SGCD: variants seen among roughly 807,000 people sequenced by gnomAD.
The protein encoded by SGCD is delta-sarcoglycan.
SGCD carries 18 observed loss-of-function variants against 36.6 expected under a neutral mutation model. The observed-to-expected ratio is 0.49, with a 90% CI of 0.34 to 0.73. SGCD has a LOEUF of 0.73. SGCD is among the 30% of genes least tolerant of loss of function. The pLI is 0.01. For missense variants in SGCD, 387 were observed against 346.7 expected (o/e 1.12, Z -0.92); for synonymous variants, 133 against 130.6 (o/e 1.02, Z -0.12).
At chr5:156,298,192 C>T (rs1055732029) in intron 3 of SGCD, among the ~76,000 whole-genome samples, 1 of 152,084 alleles carries the variant, frequency 6.6e-6, no homozygotes, top group Non-Finnish European at 1.5e-5. Context: ...TTGATGTACA[C>T]TTAGGTTGCT....
chr5:155,814,139 T>C, the SGCD span, among the ~76,000 whole-genome samples: 1 of 152,248 alleles, frequency 6.6e-6, no homozygotes, highest in Non-Finnish European at 1.5e-5. Context: ...TTCTAGCCTC[T>C]CTGTTGTTTC....
At chr5:156,198,052 CT>C (rs1176131900) in intron 3 of SGCD, among the ~76,000 whole-genome samples, 1 of 152,058 alleles carries the variant, frequency 6.6e-6, no homozygotes, top group Non-Finnish European at 1.5e-5. Flanking sequence ...ATCTTATTCC[CT>C]TTGTAAATAT....
chr5:155,739,150 A>G, the SGCD span, among the ~76,000 whole-genome samples: 1 of 152,150 alleles, frequency 6.6e-6, no homozygotes, highest in African/African-American at 2.4e-5. Context: ...CTGGAAAGAG[A>G]GGAGACAAGT....
At chr5:156,537,380 G>C (rs1248012921) in intron 4 of SGCD, among the ~76,000 whole-genome samples, 1 of 150,424 alleles carries the variant, frequency 6.6e-6, no homozygotes. Context: ...TGACTTTGTG[G>C]ATAGAGAACA....
At chr5:155,802,330 G>C in the SGCD span, among the ~76,000 whole-genome samples, 3 of 152,152 alleles carry the variant, frequency 2.0e-5, no homozygotes, top group East Asian at 5.8e-4. Flanking sequence ...TGGTTTTTTG[G>C]TTCCTGGCTC....
the SGCD span, among the ~76,000 whole-genome samples, chr5:155,823,669 C>T: frequency 2.0e-5 from 3 of 152,190 alleles, no homozygotes; most frequent in Non-Finnish European, 4.4e-5. Flanking sequence ...TGTAAGGTGT[C>T]CCCAAGAGAG....
intron 3 of SGCD, among the ~76,000 whole-genome samples, chr5:156,252,162 G>T (rs936205822): frequency 6.6e-6 from 1 of 151,704 alleles, no homozygotes; most frequent in African/African-American, 2.4e-5. Context: ...CCGCCTCCCG[G>T]GTTCAAGCCA....
At chr5:156,699,935 T>G (rs1198047537) in intron 7 of SGCD, among the ~76,000 whole-genome samples, 1 of 152,134 alleles carries the variant, frequency 6.6e-6, no homozygotes. Flanking sequence ...TTAAGAGAAG[T>G]AGTAGCTAAG....
the SGCD span, among the ~76,000 whole-genome samples, chr5:155,813,020 A>G: frequency 6.6e-6 from 1 of 151,892 alleles, no homozygotes; most frequent in Non-Finnish European, 1.5e-5. Flanking sequence ...TGTAGAGCTA[A>G]TTATCTGATG....
chr5:156,294,861 A>G (rs1054710879), intron 3 of SGCD, among the ~76,000 whole-genome samples: 1 of 152,130 alleles, frequency 6.6e-6, no homozygotes, highest in African/African-American at 2.4e-5. Flanking sequence ...AATCTTTACA[A>G]TATACTTTTG....
intron 3 of SGCD, among the ~76,000 whole-genome samples, chr5:156,171,815 T>A (rs749743869): frequency 6.6e-6 from 1 of 152,240 alleles, no homozygotes; most frequent in East Asian, 1.9e-4. Flanking sequence ...AGTGGCAATG[T>A]CCCAGGGCAC....
chr5:156,721,776 A>C (rs1474127226), intron 7 of SGCD, among the ~76,000 whole-genome samples: 2 of 152,222 alleles, frequency 1.3e-5, no homozygotes, highest in Non-Finnish European at 2.9e-5. Context: ...GTAGAGCAAC[A>C]GGGTGGGAGA....
chr5:156,307,552 G>GTT lies in SGCD; in HGVS notation c.-43-21981_-43-21980dup. Among the ~76,000 whole-genome samples, 338 of 48,284 alleles carry GTT rather than the reference G, an allele frequency of 7.0e-3. 31 individuals are homozygous for GTT. Among genetic ancestry groups the GTT allele is most frequent in the Middle Eastern group, 0.043 (2 of 46 alleles). 31.7% of individuals were successfully genotyped at this position (48,284 alleles called of 152,430 possible). The stretch of plus-strand genomic sequence containing the variant: ...CTTCTTGTCTGTATACATTTTAACT[G>GTT]TTGTTTTTTTTTTTTTTTTTTTTTT... On this transcript the variant is annotated intron_variant, in intron 3 of 9. Transcript: ENST00000517913.
At chr5:156,078,055 TC>T in intron 1 of SGCD, among the ~76,000 whole-genome samples, 1 of 152,188 alleles carries the variant, frequency 6.6e-6, no homozygotes, top group African/African-American at 2.4e-5. Flanking sequence ...AAGAATCCCT[TC>T]TTTTTGTTAT....
At chr5:156,625,304 A>T (rs1464758844) in intron 6 of SGCD, among the ~76,000 whole-genome samples, 1 of 152,224 alleles carries the variant, frequency 6.6e-6, no homozygotes, top group Non-Finnish European at 1.5e-5. Flanking sequence ...ATTAAACAAA[A>T]TGTCCAGGAT....
the SGCD span, among the ~76,000 whole-genome samples, chr5:155,861,180 G>A: frequency 6.6e-6 from 1 of 152,260 alleles, no homozygotes; most frequent in South Asian, 2.1e-4. Flanking sequence ...TTTAGTGGGG[G>A]AAAACTTAAG....
At chr5:155,798,195 G>C in the SGCD span, among the ~76,000 whole-genome samples, 2 of 152,042 alleles carry the variant, frequency 1.3e-5, no homozygotes, top group African/African-American at 4.8e-5. Context: ...TACAATTATT[G>C]AATCTCTTCA....
At chr5:156,539,136 G>A (rs575119957) in intron 4 of SGCD, among the ~76,000 whole-genome samples, 1 of 152,026 alleles carries the variant, frequency 6.6e-6, no homozygotes, top group East Asian at 1.9e-4. Context: ...GTATTGAGTG[G>A]TCCTTCTCAG....
At chr5:156,502,657 C>T (rs548433023) in intron 3 of SGCD, among the ~76,000 whole-genome samples, 1 of 152,230 alleles carries the variant, frequency 6.6e-6, no homozygotes, top group East Asian at 1.9e-4. Context: ...TTCTAAATAC[C>T]TCTTTTACAT....
Sources: allele counts gnomAD v4.1 joint callset (sites outside exome capture counted in the v4.1 genomes callset), GRCh38; gene constraint gnomAD v4.1.1; transcripts MANE v1.5; gene names NCBI Gene and HGNC (gene_info 2026-07-23, HGNC 2026-07-21).